Variants in TNS3 observed in about 807,000 individuals in gnomAD.
TNS3 encodes the protein tensin 3.
In TNS3, 45 loss-of-function variants were observed where a neutral mutation model predicts 140.9. The observed-to-expected ratio is 0.32, with a 90% CI of 0.25 to 0.41. The LOEUF is 0.41. Ranked by LOEUF, TNS3 falls within the 10% of genes least tolerant of loss-of-function variation. The pLI is 1.00. For missense variants in TNS3, 1,716 were observed against 1,906.7 expected (o/e 0.90, Z 1.86); for synonymous variants, 815 against 788.4 (o/e 1.03, Z -0.56).
chr7:47,333,555 C>G (rs10225497), intron 20 of TNS3, among the ~76,000 whole-genome samples: 39,694 of 152,096 alleles, frequency 0.26, 5,701 homozygotes, highest in South Asian at 0.34. Context: ...TATTCACATT[C>G]AGTACATGCC....
Position 47,303,494 on chromosome 7 carries a change from G to A in TNS3, c.2913C>T (p.Leu971=), listed in dbSNP as rs774936155. Residue 971 remains leucine, a synonymous_variant, in exon 22 of 31, where the codon CTC becomes CTT. Coordinates refer to ENST00000311160, the MANE Select transcript of TNS3 (RefSeq NM_022748.12). ...LGSGRPTGSP[L]SAEFSGTRKD... ...TCCTGGTACCGGAGAACTCAGCGCT[G>A]AGGGGACTTCCGGTGGGCCGGCCGC... The A allele has an allele frequency of 6.2e-7, 1 of 1,610,326 alleles. No individual in the cohort carries two copies. The highest frequency in any genetic ancestry group is 2.2e-5 in the East Asian group (1 of 44,854).
intron 10 of TNS3, 137 bp from the exon 11 acceptor site, chr7:47,415,343 T>C (rs1794020964): frequency 1.6e-6 from 1 of 614,976 alleles, no homozygotes; most frequent in African/African-American, 1.9e-5. Flanking sequence ...AGCCAGGGGT[T>C]CTCAGCATGG....
chr7:47,406,180 T>C (rs1281485110), intron 13 of TNS3, among the ~76,000 whole-genome samples: 1 of 152,174 alleles, frequency 6.6e-6, no homozygotes, highest in Non-Finnish European at 1.5e-5. Context: ...CTTAAGAATC[T>C]GACCTTTTGG....
At chr7:47,437,374 AC>A (rs1795236092) in intron 6 of TNS3, 61 bp from the exon 7 acceptor site, 2 of 754,854 alleles carry the variant, frequency 2.6e-6, no homozygotes, top group Non-Finnish European at 3.7e-6. Flanking sequence ...AAAAATTAAT[AC>A]TTTAATTTTT....
chr7:47,497,662 AACACACAC>A (rs6150097), intron 3 of TNS3, among the ~76,000 whole-genome samples: 64 of 91,138 alleles, frequency 7.0e-4, no homozygotes, highest in Admixed American at 1.5e-3. Context: ...TCACGTATGG[AACACACAC>A]ACACACACAC....
chr7:47,378,965 G>T (rs1431725058), intron 16 of TNS3, among the ~76,000 whole-genome samples: 1 of 152,178 alleles, frequency 6.6e-6, no homozygotes, highest in Non-Finnish European at 1.5e-5. Flanking sequence ...AGCCAGTGGG[G>T]GTTTCAGTGC....
At chr7:47,498,634 G>C (rs949175295) in intron 3 of TNS3, among the ~76,000 whole-genome samples, 12 of 151,976 alleles carry the variant, frequency 7.9e-5, no homozygotes, top group African/African-American at 2.9e-4. Flanking sequence ...TTCTCTTTTG[G>C]CCTCTTTTTG....
intron 16 of TNS3, among the ~76,000 whole-genome samples, chr7:47,392,006 T>C (rs1792548851): frequency 6.6e-6 from 1 of 152,208 alleles, no homozygotes; most frequent in African/African-American, 2.4e-5. Flanking sequence ...GGCCAGTTAC[T>C]AGCTTTTGAT....
At chr7:47,409,164 T>A (rs1032510588) in intron 13 of TNS3, among the ~76,000 whole-genome samples, 1 of 150,454 alleles carries the variant, frequency 6.6e-6, no homozygotes, top group Non-Finnish European at 1.5e-5. Context: ...GAGGGAGAAG[T>A]TTGTAAAGGC....
At chr7:47,316,165 A>G (rs1299495566) in intron 20 of TNS3, among the ~76,000 whole-genome samples, 1 of 140,514 alleles carries the variant, frequency 7.1e-6, no homozygotes, top group Non-Finnish European at 1.5e-5. Flanking sequence ...CCTCCCTCCT[A>G]GTCACATCCC....
chr7:47,496,131 G>A (rs747982193), intron 3 of TNS3, among the ~76,000 whole-genome samples: 3 of 152,166 alleles, frequency 2.0e-5, no homozygotes, highest in Non-Finnish European at 4.4e-5. Flanking sequence ...AGGGGTGACA[G>A]GATAATGGGA....
intron 13 of TNS3, among the ~76,000 whole-genome samples, chr7:47,406,056 G>A (rs372875365): frequency 4.6e-5 from 7 of 152,156 alleles, no homozygotes; most frequent in African/African-American, 1.7e-4. Flanking sequence ...CCCGCTGCCC[G>A]CATGAATTCC....
At chr7:47,402,378 A>G (rs1584575808) in intron 13 of TNS3, among the ~76,000 whole-genome samples, 1 of 152,196 alleles carries the variant, frequency 6.6e-6, no homozygotes, top group Admixed American at 6.5e-5. Context: ...CCCAGGAACC[A>G]GGGCGTTTGC....
chr7:47,486,342 ATGTG>A (rs993657138), intron 3 of TNS3, among the ~76,000 whole-genome samples: 1 of 151,134 alleles, frequency 6.6e-6, no homozygotes, highest in Non-Finnish European at 1.5e-5. Flanking sequence ...CCTATGCCTC[ATGTG>A]TGTGTATTGA....
chr7:47,290,570 T>C (rs552678477), intron 27 of TNS3, among the ~76,000 whole-genome samples: 139 of 152,138 alleles, frequency 9.1e-4, no homozygotes, highest in Admixed American at 3.0e-3. Context: ...AAAGAAGATA[T>C]ACAGATGGTA....
intron 13 of TNS3, among the ~76,000 whole-genome samples, chr7:47,408,222 T>C (rs940281044): frequency 1.7e-4 from 26 of 152,032 alleles, no homozygotes; most frequent in African/African-American, 6.3e-4. Context: ...CTTCACCCAC[T>C]CACGGCCCCT....
At chr7:47,433,622 T>A (rs932437576) in intron 8 of TNS3, among the ~76,000 whole-genome samples, 11 of 152,234 alleles carry the variant, frequency 7.2e-5, no homozygotes, top group Non-Finnish European at 1.2e-4. Flanking sequence ...ACTTTTCAAG[T>A]CCAGCAACTC....
At chr7:47,403,380 A>T (rs990744143) in intron 13 of TNS3, 2 of 152,170 alleles carry the variant, frequency 1.3e-5, no homozygotes, top group African/African-American at 4.8e-5. Flanking sequence ...TTCTCCTGTA[A>T]GATTCCTATT....
chr7:47,429,780 A>G (rs753367583), intron 8 of TNS3, among the ~76,000 whole-genome samples: 4 of 152,218 alleles, frequency 2.6e-5, no homozygotes, highest in Admixed American at 2.0e-4. Flanking sequence ...TTGAGAAGAA[A>G]CTACTGATCA....
Sources: gnomAD v4.1 joint callset for allele counts (sites outside exome capture counted in the v4.1 genomes callset) on GRCh38, gnomAD v4.1.1 for gene constraint, MANE v1.5 for transcripts, NCBI Gene and HGNC (gene_info 2026-07-23, HGNC 2026-07-21) for gene names.